The following NUP188 variants were observed in gnomAD, a reference collection of about 807,000 sequenced individuals.
The protein encoded by NUP188 is nucleoporin 188.
Under a neutral mutation model 223.0 loss-of-function variants are expected in NUP188, and 97 were observed. That is an observed-to-expected ratio of 0.43 (90% confidence interval 0.37 to 0.51). The LOEUF (loss-of-function observed/expected upper bound fraction) is 0.51. Ranked by LOEUF, NUP188 falls within the 20% of genes least tolerant of loss-of-function variation. NUP188 has a pLI of 0.00. For missense variants in NUP188, 1,947 were observed against 2,175.6 expected, an observed-to-expected ratio of 0.89 and a Z score of 2.09; for synonymous variants, 869 against 828.0, an observed-to-expected ratio of 1.05 and a Z score of -0.85.
chr9:129,006,356 C>T lies in NUP188; in HGVS notation c.5061C>T (p.Leu1687=), dbSNP rs1842803075. 1 of 1,614,194 alleles carries T rather than the reference C, an allele frequency of 6.2e-7. No homozygotes were observed. The change falls in exon 43 of 44, where the codon CTC becomes CTT. Residue 1687 remains leucine (L), a synonymous_variant. Coordinates refer to ENST00000372577, the MANE Select transcript of NUP188 (RefSeq NM_015354.3). ...PRDKQRMKQE[L]SSELSTLLSS... ...ACAAACAGCGGATGAAGCAGGAGCT[C>T]AGCTCTGAGTTGGTACGGATGGATA... is the stretch of plus-strand genomic sequence containing the variant.
intron 34 of NUP188, 51 bp from the exon 35 acceptor site, chr9:129,001,478 T>C: frequency 6.3e-7 from 1 of 1,577,996 alleles, no homozygotes; most frequent in Non-Finnish European, 8.7e-7. Flanking sequence ...TGTCGTCCTC[T>C]TCCTCCTCCT....
chr9:128,964,488 A>G (rs1056770422), intron 8 of NUP188, among the ~76,000 whole-genome samples: 7 of 151,190 alleles, frequency 4.6e-5, no homozygotes, highest in African/African-American at 1.7e-4. Context: ...CAGCCCCACA[A>G]GTAGCTGGGA....
At chr9:129,002,796 T>C in intron 36 of NUP188, 21 bp from the exon 37 acceptor site, 2 of 1,611,590 alleles carry the variant, frequency 1.2e-6, no homozygotes, top group Non-Finnish European at 1.7e-6. Flanking sequence ...TTCCTGAGCT[T>C]GTCTGCTGTT....
intron 23 of NUP188, 146 bp from the exon 24 acceptor site, chr9:128,987,901 C>T (rs1017236717): frequency 1.2e-5 from 14 of 1,141,354 alleles, no homozygotes; most frequent in African/African-American, 3.1e-5. Context: ...GTTGATTACT[C>T]CTCCTCTCTC....
At chr9:128,975,581 C>T (rs1016525920) in intron 12 of NUP188, among the ~76,000 whole-genome samples, 6 of 149,010 alleles carry the variant, frequency 4.0e-5, no homozygotes, top group Non-Finnish European at 8.9e-5. Flanking sequence ...GAGTAAGTAG[C>T]GTGATCTCCA....
chr9:128,953,455 A>G (rs1258900048), intron 3 of NUP188, among the ~76,000 whole-genome samples: 1 of 152,114 alleles, frequency 6.6e-6, no homozygotes, highest in Non-Finnish European at 1.5e-5. Context: ...GTTATAGTCT[A>G]AGTCACCCTC....
At chr9:128,994,509 A>G in intron 28 of NUP188, 67 bp downstream of exon 28, 1 of 1,073,732 alleles carries the variant, frequency 9.3e-7, no homozygotes, top group East Asian at 2.4e-5. Context: ...GGGCTGTGAG[A>G]TGGGGCCGTA....
At chr9:128,981,937 C>T (rs950892308) in intron 15 of NUP188, among the ~76,000 whole-genome samples, 3 of 151,674 alleles carry the variant, frequency 2.0e-5, no homozygotes, top group African/African-American at 4.9e-5. Flanking sequence ...ATTAGTCGGG[C>T]GTGGTGGTGC....
chr9:128,994,296 C>T, intron 27 of NUP188, 77 bp from the exon 28 acceptor site: 1 of 970,232 alleles, frequency 1.0e-6, no homozygotes, highest in South Asian at 1.3e-5. Context: ...AAGTGACCAC[C>T]AAAGGGAGCT....
At chr9:128,947,777 G>A (rs755361535) in intron 1 of NUP188, 26 bp downstream of exon 1, 2 of 1,404,982 alleles carry the variant, frequency 1.4e-6, no homozygotes, top group South Asian at 1.5e-5. Flanking sequence ...AATGGACCGG[G>A]GTGGCTGTGA....
chr9:128,969,699 G>T (rs1490772692), intron 10 of NUP188, among the ~76,000 whole-genome samples, 185 bp downstream of exon 10: 1 of 152,194 alleles, frequency 6.6e-6, no homozygotes, highest in Non-Finnish European at 1.5e-5. Flanking sequence ...CTGTCACCAT[G>T]CTGGAATGCA....
chr9:129,002,659 G>A (rs551942900), intron 36 of NUP188, among the ~76,000 whole-genome samples, 158 bp from the exon 37 acceptor site: 2 of 152,366 alleles, frequency 1.3e-5, no homozygotes, highest in Admixed American at 1.3e-4. Flanking sequence ...GAATCTGCTG[G>A]TGTTGGCCCC....
intron 8 of NUP188, among the ~76,000 whole-genome samples, chr9:128,961,382 C>T (rs1242798063): frequency 6.6e-6 from 1 of 151,150 alleles, no homozygotes; most frequent in Non-Finnish European, 1.5e-5. Flanking sequence ...CGTGGTGGCA[C>T]GTGCCTGTAC....
At position 128,976,420 on chromosome 9, in the gene NUP188, C is replaced by T. The variant is rs563308544; in HGVS notation, c.1204-2842C>T. ...GTGTGGTGGCTTACTCCTGTAATCC[C>T]AGCACTTTGGGAGACCAAAGAGGGC... On this transcript the variant is annotated intron_variant, in intron 12 of 43. Transcript: ENST00000372577. Among the ~76,000 whole-genome samples, 3 of 152,144 alleles carry T rather than the reference C, an allele frequency of 2.0e-5. No individual in the cohort carries two copies. The East Asian group carries it at 5.8e-4, about 29-fold the overall frequency.
At chr9:128,982,427 C>CA (rs879817506) in intron 15 of NUP188, 122 bp from the exon 16 acceptor site, 34,168 of 719,256 alleles carry the variant, frequency 0.048, no homozygotes, top group Middle Eastern at 0.056. Context: ...GACTCTGTCT[C>CA]AAAAAAAAAA....
At chr9:128,988,817 C>T (rs1344759727) in intron 24 of NUP188, among the ~76,000 whole-genome samples, 1 of 148,368 alleles carries the variant, frequency 6.7e-6, no homozygotes, top group African/African-American at 2.5e-5. Flanking sequence ...GCATCTGCCT[C>T]CTGGGTTTAA....
intron 2 of NUP188, among the ~76,000 whole-genome samples, chr9:128,951,338 T>C (rs1042720355): frequency 6.9e-6 from 1 of 145,636 alleles, no homozygotes; most frequent in African/African-American, 2.5e-5. Flanking sequence ...TCAGGCTTGG[T>C]GGCATATGCT....
rs202000330 is a variant in NUP188, at chr9:129,002,852, C to T, written c.4173C>T (p.Pro1391=). 1.5e-5 allele frequency: 25 copies of T among 1,614,226 alleles called. No individual in the cohort carries two copies. In the Admixed American group the frequency reaches 3.2e-4, roughly 20 times the overall value. ...CCTCTCGGAAGTCCCTGGATGCCCC[C>T]TCTTGGCCAGGAGTCTACCGCCTGT... ...PSASRKSLDA[P]SWPGVYRLSM... is the part of the protein sequence containing the mutation. The change falls in exon 37 of 44, where the codon CCC becomes CCT. Residue 1391 remains proline (P), a synonymous_variant. Coordinates refer to ENST00000372577, the MANE Select transcript of NUP188 (RefSeq NM_015354.3).
rs914301563 is a variant in NUP188, at chr9:128,969,455, T to C, written c.853T>C (p.Cys285Arg). The change falls in exon 10 of 44, where the codon TGT (cysteine) becomes CGT (arginine). Residue 285 changes from cysteine (C) to arginine (R), a missense_variant. By Grantham distance (180) the Cys-to-Arg change is radical (BLOSUM62 -3). Transcript: ENST00000372577. ...CATGGATATCGAGTCCTTGCATAAG[T>C]GTGCTTTGGATGACAGAAGAGAACT... ...EGMDIESLHK[C>R]ALDDRRELHQ... 3.1e-6 allele frequency: 5 copies of C among 1,606,508 alleles called. No individual in the cohort carries two copies. In the African/African-American group the frequency reaches 6.7e-5, roughly 22 times the overall value.
Sources: gnomAD v4.1 joint callset for allele counts (sites outside exome capture counted in the v4.1 genomes callset) on GRCh38, gnomAD v4.1.1 for gene constraint, MANE v1.5 for transcripts, NCBI Gene and HGNC (gene_info 2026-07-23, HGNC 2026-07-21) for gene names.